The following ITGA8 variants were observed in gnomAD, a reference collection of about 807,000 sequenced individuals.
ITGA8 encodes the protein integrin alpha-8.
A neutral mutation model predicts 142.3 loss-of-function variants in ITGA8; 91 were observed. The observed-to-expected ratio is 0.64, with a 90% CI of 0.54 to 0.76. The LOEUF (loss-of-function observed/expected upper bound fraction) is 0.76. ITGA8 is among the 30% of genes least tolerant of loss of function. The probability of loss-of-function intolerance (pLI) is 0.00; values close to 1 mark genes in which losing one functional copy is unlikely to be tolerated. For missense variants in ITGA8, 1,406 were observed against 1,327.7 expected (o/e 1.06, Z -0.92); for synonymous variants, 505 against 485.2 (o/e 1.04, Z -0.54).
chr10:15,617,647 C>T (rs1244005112), intron 13 of ITGA8, among the ~76,000 whole-genome samples: 1 of 151,970 alleles, frequency 6.6e-6, no homozygotes, highest in South Asian at 2.1e-4. Context: ...GATCCACCCG[C>T]CTCGGCCTCC....
intron 8 of ITGA8, among the ~76,000 whole-genome samples, chr10:15,668,174 A>C (rs958344067): frequency 5.3e-5 from 8 of 152,148 alleles, no homozygotes; most frequent in African/African-American, 1.7e-4. Flanking sequence ...GTAGGTCACT[A>C]AGGACTTGCT....
chr10:15,615,615 G>A (rs1833376818), intron 14 of ITGA8, among the ~76,000 whole-genome samples: 1 of 152,196 alleles, frequency 6.6e-6, no homozygotes, highest in Non-Finnish European at 1.5e-5. Flanking sequence ...TCAGGGTCAA[G>A]TGATTCTCAT....
intron 15 of ITGA8, chr10:15,611,680 AC>A (rs1833298120): frequency 6.8e-6 from 1 of 147,810 alleles, no homozygotes; most frequent in African/African-American, 2.6e-5. Flanking sequence ...TTTAGTAGAG[AC>A]AGGGTTTCAC....
Position 15,633,046 on chromosome 10 carries a change from T to A in ITGA8, c.1399+10984A>T, listed in dbSNP as rs192320873. ...TCTTTTTCATTATTACTCATTCTGC[T>A]CATTGCTAAGGAATGAGGTCCTTAA... On this transcript the variant is annotated intron_variant, in intron 13 of 29. Transcript: ENST00000378076. Among the ~76,000 whole-genome samples the A allele has an allele frequency of 4.6e-5, 7 of 152,332 alleles. No individual in the cohort carries two copies. In the East Asian group the frequency reaches 1.4e-3, roughly 29 times the overall value.
intron 25 of ITGA8, among the ~76,000 whole-genome samples, chr10:15,559,135 AC>A (rs1833933245): frequency 6.6e-6 from 1 of 152,136 alleles, no homozygotes. Flanking sequence ...TGTCATGAAA[AC>A]CTGGAAAAAC....
rs1025107313 is a variant in ITGA8, at chr10:15,639,089, C to T, written c.1399+4941G>A. Reference sequence around the variant, plus strand: ...GGCTGCAGTGAGCTATGATTTGTGCCACTGCACTCCAGCCTGGGTGACAGC... The same window carrying T: ...GGCTGCAGTGAGCTATGATTTGTGCTACTGCACTCCAGCCTGGGTGACAGC... On this transcript the variant is annotated intron_variant, in intron 13 of 29. Transcript: ENST00000378076. Among the ~76,000 whole-genome samples the T allele has an allele frequency of 2.6e-5, 4 of 151,936 alleles. 1 individual carries two copies. Among genetic ancestry groups the T allele is most frequent in the Non-Finnish European group, 1.5e-5 (1 of 67,958 alleles).
At chr10:15,633,899 G>A (rs187743849) in intron 13 of ITGA8, among the ~76,000 whole-genome samples, 141 of 152,324 alleles carry the variant, frequency 9.3e-4, no homozygotes, top group South Asian at 3.7e-3. Flanking sequence ...ACCAAAAGAC[G>A]TTGAATACAT....
chr10:15,603,464 T>A (rs1415856632), intron 20 of ITGA8, among the ~76,000 whole-genome samples: 1 of 152,216 alleles, frequency 6.6e-6, no homozygotes, highest in Non-Finnish European at 1.5e-5. Context: ...GGCTTTACCC[T>A]TAATTGTGAG....
chr10:15,617,277 A>G (rs1325311385), intron 13 of ITGA8, among the ~76,000 whole-genome samples: 2 of 152,186 alleles, frequency 1.3e-5, no homozygotes, highest in Admixed American at 1.3e-4. Flanking sequence ...TAAATTTCCT[A>G]ACATTCACAC....
intron 27 of ITGA8, among the ~76,000 whole-genome samples, chr10:15,546,466 A>G (rs1833670567): frequency 6.6e-6 from 1 of 152,176 alleles, no homozygotes; most frequent in African/African-American, 2.4e-5. Context: ...AGTGGTTCAA[A>G]ATGGGATGAT....
intron 26 of ITGA8, among the ~76,000 whole-genome samples, chr10:15,552,661 C>T (rs1163604433): frequency 6.6e-6 from 1 of 152,108 alleles, no homozygotes; most frequent in Non-Finnish European, 1.5e-5. Context: ...ATTAGATATT[C>T]CTCCTAATGT....
intron 4 of ITGA8, among the ~76,000 whole-genome samples, chr10:15,680,601 T>C (rs1834719571): frequency 6.6e-6 from 1 of 152,094 alleles, no homozygotes; most frequent in African/African-American, 2.4e-5. Context: ...TGTGTTCATA[T>C]GTGTTTTTAT....
chr10:15,594,620 T>TA (rs1460235372), intron 21 of ITGA8, among the ~76,000 whole-genome samples: 4 of 151,950 alleles, frequency 2.6e-5, no homozygotes, highest in Admixed American at 6.6e-5. Flanking sequence ...CCATCTCTAC[T>TA]AAAATACAAA....
At chr10:15,535,645 C>T (rs941477509) in intron 27 of ITGA8, among the ~76,000 whole-genome samples, 1 of 152,104 alleles carries the variant, frequency 6.6e-6, no homozygotes, top group African/African-American at 2.4e-5. Context: ...TTGTGACTAG[C>T]TCAGGGATTG....
At chr10:15,546,509 G>C (rs1833671877) in intron 27 of ITGA8, among the ~76,000 whole-genome samples, 1 of 152,200 alleles carries the variant, frequency 6.6e-6, no homozygotes, top group Admixed American at 6.5e-5. Context: ...AATATCTGGA[G>C]AGAATTTTGG....
At chr10:15,695,298 G>T (rs1036179271) in intron 2 of ITGA8, among the ~76,000 whole-genome samples, 2 of 152,126 alleles carry the variant, frequency 1.3e-5, no homozygotes, top group Non-Finnish European at 2.9e-5. Flanking sequence ...AATCTGGTGT[G>T]TCCTCCTCTC....
intron 25 of ITGA8, among the ~76,000 whole-genome samples, chr10:15,565,740 C>T (rs2131576433): frequency 1.3e-5 from 2 of 151,816 alleles, no homozygotes; most frequent in East Asian, 3.9e-4. Context: ...CAGGCACCCA[C>T]CACCACGCCC....
chr10:15,616,492 T>C, intron 14 of ITGA8, 22 bp downstream of exon 14: 2 of 1,573,108 alleles, frequency 1.3e-6, no homozygotes, highest in African/African-American at 2.7e-5. Flanking sequence ...AGAAAAACAT[T>C]TGAATACTAC....
intron 3 of ITGA8, among the ~76,000 whole-genome samples, chr10:15,687,651 A>C (rs1288075744): frequency 6.6e-6 from 1 of 152,190 alleles, no homozygotes; most frequent in African/African-American, 2.4e-5. Context: ...AAGCACTATA[A>C]TATTTTACCA....
Sources: gnomAD v4.1 joint callset for allele counts (sites outside exome capture counted in the v4.1 genomes callset) on GRCh38, gnomAD v4.1.1 for gene constraint, MANE v1.5 for transcripts, NCBI Gene and HGNC (gene_info 2026-07-23, HGNC 2026-07-21) for gene names.